DCX: variants seen among roughly 807,000 people sequenced by gnomAD.
DCX encodes neuronal migration protein doublecortin.
Under a neutral mutation model 20.9 loss-of-function variants are expected in DCX, and 4 were observed. The ratio of observed to expected loss-of-function variants is 0.19; its 90% CI spans 0.09 to 0.44. The LOEUF (loss-of-function observed/expected upper bound fraction) is 0.44, where lower values mean the gene tolerates loss of function less well. Ranked by LOEUF, DCX falls within the 20% of genes least tolerant of loss-of-function variation. DCX has a pLI of 0.99. For missense variants in DCX, 133 were observed against 296.9 expected (o/e 0.45, Z 4.06); for synonymous variants, 103 against 111.4 (o/e 0.92, Z 0.47).
intron 3 of DCX, among the ~76,000 whole-genome samples, chrX:111,348,295 G>A (rs1250386627): frequency 8.9e-6 from 1 of 112,206 alleles, no homozygotes. Flanking sequence ...TGGGAAAGAA[G>A]GGCACAGAGG....
chrX:111,294,502 T>G lies in DCX; in HGVS notation c.*7185A>C, dbSNP rs987789550. The G allele has an allele frequency of 9.0e-6, 1 of 111,196 alleles. No individual in the cohort carries two copies. The highest frequency in any genetic ancestry group is 3.3e-5 in the African/African-American group (1 of 30,584). 9.2% of individuals were successfully genotyped at this position (111,196 alleles called of 1,213,427 possible). On this transcript the variant is annotated 3_prime_UTR_variant, in exon 7 of 7. Transcript: ENST00000636035. ...ATACAACCCCAATTTACCACTGATT[T>G]TTACGTAAAGTTGAGTCTTTGATCA...
chrX:111,410,904 G>T, intron 1 of DCX: 1 of 1,211,359 alleles, frequency 8.3e-7, no homozygotes, highest in Middle Eastern at 2.3e-4. Context: ...GCTACCCAAG[G>T]TTAGCATCTC....
At chrX:111,309,601 C>A (rs1054372894) in intron 6 of DCX, among the ~76,000 whole-genome samples, 2 of 112,065 alleles carry the variant, frequency 1.8e-5, no homozygotes, top group African/African-American at 6.5e-5. Context: ...TGAAAGGATA[C>A]AACATCACTC....
chrX:111,314,121 C>G (rs1238596184), intron 5 of DCX, among the ~76,000 whole-genome samples: 3 of 111,511 alleles, frequency 2.7e-5, no homozygotes, highest in Non-Finnish European at 5.7e-5. Flanking sequence ...GAAGAGACAT[C>G]AGTGTAGTGG....
At chrX:111,410,721 G>A (rs771116787) in intron 1 of DCX, 2 of 1,171,338 alleles carry the variant, frequency 1.7e-6, no homozygotes, top group South Asian at 1.8e-5. Context: ...GAGAAGGGGA[G>A]ATTTTGAAAT....
intron 3 of DCX, among the ~76,000 whole-genome samples, chrX:111,371,272 C>T (rs1354788800): frequency 2.7e-5 from 3 of 112,203 alleles, no homozygotes; most frequent in Non-Finnish European, 5.6e-5. Context: ...AACACCCATC[C>T]CTGCCCCTGA....
At chrX:111,390,909 G>T (rs191346713) in intron 3 of DCX, among the ~76,000 whole-genome samples, 1 of 109,181 alleles carries the variant, frequency 9.2e-6, no homozygotes, top group East Asian at 2.9e-4. Context: ...TGAGGCTGAG[G>T]TGGGAGACTC....
chrX:111,310,491 T>C (rs1395450245), intron 6 of DCX, among the ~76,000 whole-genome samples: 1 of 111,365 alleles, frequency 9.0e-6, no homozygotes, highest in African/African-American at 3.3e-5. Context: ...AACTAGTGAA[T>C]CCCTGTAAAG....
In DCX at chrX:111,312,731, C is replaced by T; in HGVS notation, c.952G>A (p.Gly318Arg). Reference protein sequence around the residue: ...ADSGNDQDANGTSSSQLSTPK... With the variant: ...ADSGNDQDANRTSSSQLSTPK... ...GTAGAGAGCTGGCTGCTGGAGGTTC[C>T]GTTTGCTAGCCCAAAGCAAGAGAAA... is the stretch of plus-strand genomic sequence containing the variant. The change falls in exon 6 of 7, where the codon GGA (glycine) becomes AGA (arginine). Residue 318 changes from glycine to arginine, a missense_variant. Around this residue, in one of 2 missense-constraint regions of DCX, gnomAD observed 68 missense variants for 84.3 expected, o/e 0.81. Coordinates refer to ENST00000636035, the MANE Select transcript of DCX (RefSeq NM_001195553.2). 8.3e-7 allele frequency: 1 copy of T among 1,211,066 alleles called. No homozygotes were observed. The highest frequency in any genetic ancestry group is 1.1e-6 in the Non-Finnish European group (1 of 895,148).
At chrX:111,406,560 G>C (rs948796275) in intron 2 of DCX, among the ~76,000 whole-genome samples, 7 of 111,800 alleles carry the variant, frequency 6.3e-5, no homozygotes, top group Non-Finnish European at 1.1e-4. Flanking sequence ...TTATTCACAA[G>C]AGATACACAA....
At chrX:111,329,839 C>A (rs1257053878) in intron 5 of DCX, among the ~76,000 whole-genome samples, 1 of 112,016 alleles carries the variant, frequency 8.9e-6, no homozygotes, top group African/African-American at 3.2e-5. Flanking sequence ...ACTCATGATG[C>A]CCCAAACTGA....
rs370159177 is a variant in DCX at position 111,333,010 on chromosome X, G to A, written c.808+41C>T. On this transcript the variant is annotated intron_variant, in intron 4 of 6. Transcript: ENST00000636035. ...ATGGAAATCCTAAAGGATAGAAGGG[G>A]AGAGAACAATGGAGCAATAAAACCC... is the stretch of plus-strand genomic sequence containing the variant. The A allele has an allele frequency of 7.2e-6, 7 of 971,515 alleles. No homozygotes were observed. In the African/African-American group the frequency reaches 1.1e-4, roughly 16 times the overall value. The allele number at this position is 971,515 out of a possible 1,213,427, so 80.1% of individuals were successfully genotyped here.
chrX:111,391,701 A>G lies in DCX; in HGVS notation c.705+9289T>C, dbSNP rs142710411. 2.8e-3 allele frequency among the ~76,000 whole-genome samples: 306 copies of G among 111,206 alleles called. 2 individuals are homozygous for G. Among genetic ancestry groups the G allele is most frequent in the African/African-American group, 9.4e-3 (286 of 30,571 alleles). ...TTCCCTAGTTGTGACAACCAAAAAT[A>G]TATCTACCAAGTGTCCCCTGGACAG... On this transcript the variant is annotated intron_variant, in intron 3 of 6. Transcript: ENST00000636035.
At chrX:111,382,804 A>C (rs1424905357) in intron 3 of DCX, among the ~76,000 whole-genome samples, 1 of 111,723 alleles carries the variant, frequency 9.0e-6, no homozygotes, top group African/African-American at 3.3e-5. Context: ...ACTGCTCAAA[A>C]AGAGGTGACC....
intron 5 of DCX, among the ~76,000 whole-genome samples, chrX:111,317,571 T>C (rs758941162): frequency 4.6e-5 from 5 of 109,525 alleles, no homozygotes. Flanking sequence ...TAGGATCTAA[T>C]TAAACTAAAG....
chrX:111,341,605 A>G (rs1922244209), intron 3 of DCX, among the ~76,000 whole-genome samples: 1 of 111,542 alleles, frequency 9.0e-6, no homozygotes, highest in Non-Finnish European at 1.9e-5. Flanking sequence ...GAAGGAAAAA[A>G]TGTTAAGGGC....
rs780281227 is a variant in DCX, at chrX:111,311,974, A to C, written c.1044+665T>G. Among the ~76,000 whole-genome samples the C allele has an allele frequency of 1.2e-4, 14 of 112,326 alleles. No individual in the cohort carries two copies. In the South Asian group the frequency reaches 2.2e-3, roughly 18 times the overall value. Reference sequence around the variant, plus strand: ...AGAGATTCAAGGCAGTAACCACTCCACATTTTCTACACAGAGATTTCTGGG... The same window carrying C: ...AGAGATTCAAGGCAGTAACCACTCCCCATTTTCTACACAGAGATTTCTGGG... On this transcript the variant is annotated intron_variant, in intron 6 of 6. Transcript: ENST00000636035.
intron 2 of DCX, among the ~76,000 whole-genome samples, chrX:111,404,208 A>C (rs967293764): frequency 2.7e-5 from 3 of 111,073 alleles, no homozygotes; most frequent in African/African-American, 9.8e-5. Flanking sequence ...AGAGGAAAAG[A>C]GGAAAAAATT....
intron 3 of DCX, among the ~76,000 whole-genome samples, chrX:111,352,186 A>G (rs1923363889): frequency 8.9e-6 from 1 of 112,120 alleles, no homozygotes; most frequent in African/African-American, 3.2e-5. Flanking sequence ...ATGTCCTACA[A>G]TGCACAGGAC....
Sources: gnomAD v4.1 joint callset for allele counts (sites outside exome capture counted in the v4.1 genomes callset) on GRCh38, gnomAD v4.1.1 for gene constraint, gnomAD v4.1.1 regional missense constraint, MANE v1.5 for transcripts, NCBI Gene and HGNC (gene_info 2026-07-23, HGNC 2026-07-21) for gene names.